The following SOX5 variants were observed in gnomAD, a reference collection of about 807,000 sequenced individuals.
The protein encoded by SOX5 is transcription factor SOX-5.
A neutral mutation model predicts 92.0 loss-of-function variants in SOX5; 9 were observed. That is an observed-to-expected ratio of 0.10 (90% CI 0.06 to 0.17). The LOEUF (loss-of-function observed/expected upper bound fraction) is 0.17. SOX5 is among the 10% of genes least tolerant of loss of function. SOX5 has a pLI of 1.00. For missense variants in SOX5, 642 were observed against 944.5 expected (o/e 0.68, Z 4.20); for synonymous variants, 344 against 336.3 (o/e 1.02, Z -0.25).
At chr12:24,005,298 A>C (rs911102626) in intron 4 of SOX5, among the ~76,000 whole-genome samples, 1 of 152,130 alleles carries the variant, frequency 6.6e-6, no homozygotes, top group Non-Finnish European at 1.5e-5. Flanking sequence ...ACTGATCTTT[A>C]AGTACATGAT....
chr12:24,312,788 T>C (rs183973659), intron 2 of SOX5, among the ~76,000 whole-genome samples: 116 of 152,316 alleles, frequency 7.6e-4, no homozygotes, highest in African/African-American at 2.5e-3. Context: ...TCCAAACTCA[T>C]GAAGCAACTC....
At chr12:24,367,981 T>C (rs1956339679) in intron 2 of SOX5, 1 of 152,220 alleles carries the variant, frequency 6.6e-6, no homozygotes, top group African/African-American at 2.4e-5. Flanking sequence ...GCATCCTGCA[T>C]GGTTACTGTA....
chr12:24,557,493 T>A lies in SOX5; in HGVS notation c.-251+4836A>T, dbSNP rs571559489. ...AAGTTCAGATCTCTAAATAACGTTT[T>A]GGATGAATCACAGACCTACAAATGA... On this transcript the variant is annotated intron_variant, in intron 1 of 4. Transcript: ENST00000446891. Among the ~76,000 whole-genome samples the A allele has an allele frequency of 2.6e-5, 4 of 152,222 alleles. No individual in the cohort carries two copies. In the South Asian group the frequency reaches 8.3e-4, roughly 32 times the overall value.
chr12:23,902,156 T>A (rs540108151), intron 1 of SOX5, among the ~76,000 whole-genome samples: 2 of 151,956 alleles, frequency 1.3e-5, no homozygotes, highest in East Asian at 1.9e-4. Flanking sequence ...CTAAAAACTT[T>A]AAAAAAAACT....
chr12:23,986,534 A>G (rs1400240240), intron 4 of SOX5, among the ~76,000 whole-genome samples: 2 of 152,214 alleles, frequency 1.3e-5, no homozygotes, highest in Non-Finnish European at 2.9e-5. Flanking sequence ...TGTTAAGAGA[A>G]ATACAATGTC....
At chr12:23,915,791 G>A (rs2097408221) in intron 1 of SOX5, among the ~76,000 whole-genome samples, 1 of 152,172 alleles carries the variant, frequency 6.6e-6, no homozygotes, top group Non-Finnish European at 1.5e-5. Context: ...GTAAGATTCA[G>A]TCATTGTGAA....
At chr12:24,540,203 C>T (rs1951997809) in intron 1 of SOX5, among the ~76,000 whole-genome samples, 1 of 152,064 alleles carries the variant, frequency 6.6e-6, no homozygotes, top group African/African-American at 2.4e-5. Context: ...TTACTTAATC[C>T]TTTGTTTTAA....
At chr12:23,832,833 T>A (rs1049833170) in intron 3 of SOX5, among the ~76,000 whole-genome samples, 2 of 151,734 alleles carry the variant, frequency 1.3e-5, no homozygotes, top group African/African-American at 4.8e-5. Context: ...AAAATTTGCA[T>A]TTCCTGCAAA....
intron 6 of SOX5, among the ~76,000 whole-genome samples, chr12:23,705,732 T>C (rs1304850420): frequency 6.6e-6 from 1 of 152,064 alleles, no homozygotes; most frequent in Non-Finnish European, 1.5e-5. Flanking sequence ...AACCTGTTGG[T>C]AACTTTACGT....
intron 13 of SOX5, among the ~76,000 whole-genome samples, chr12:23,538,079 T>C (rs997290961): frequency 6.6e-6 from 1 of 152,166 alleles, no homozygotes; most frequent in African/African-American, 2.4e-5. Flanking sequence ...CAAATGGCCT[T>C]ATACCTGCCT....
At chr12:24,487,573 T>A (rs1446717541) in intron 1 of SOX5, among the ~76,000 whole-genome samples, 1 of 152,216 alleles carries the variant, frequency 6.6e-6, no homozygotes, top group African/African-American at 2.4e-5. Context: ...ATATGTTAAA[T>A]AGCTCATTTC....
intron 4 of SOX5, among the ~76,000 whole-genome samples, chr12:24,155,612 G>A (rs1399451953): frequency 6.6e-6 from 1 of 152,114 alleles, no homozygotes; most frequent in Non-Finnish European, 1.5e-5. Flanking sequence ...AGCATGTCAA[G>A]TCCTCTTCCC....
rs569434819 is a variant in SOX5, at chr12:23,611,353, CGT to C, written c.1018-6822_1018-6821del. On this transcript the variant is annotated intron_variant, in intron 8 of 14. Transcript: ENST00000451604. ...TTTTCAAGGCTGAAAAGTATTCCAT[CGT>C]GTGTGTGTGTGTGCGTGTGTGTGTG... 4.9e-4 allele frequency among the ~76,000 whole-genome samples: 69 copies of C among 140,294 alleles called. No individual in the cohort carries two copies. In the South Asian group the frequency reaches 6.0e-3, roughly 12 times the overall value. The allele number at this position is 140,294 out of a possible 152,430, so 92.0% of individuals were successfully genotyped here.
chr12:24,255,366 A>G (rs947461707), intron 3 of SOX5, among the ~76,000 whole-genome samples: 5 of 152,170 alleles, frequency 3.3e-5, no homozygotes, highest in Admixed American at 3.3e-4. Flanking sequence ...TGGGTCCAAC[A>G]TAATTGAGAA....
At chr12:23,703,186 A>G (rs1289180455) in intron 6 of SOX5, among the ~76,000 whole-genome samples, 5 of 152,090 alleles carry the variant, frequency 3.3e-5, no homozygotes, top group Non-Finnish European at 5.9e-5. Flanking sequence ...GGCACAAGCA[A>G]GTGAAAAACT....
intron 3 of SOX5, among the ~76,000 whole-genome samples, chr12:24,252,856 G>A (rs1258440150): frequency 6.6e-6 from 1 of 152,160 alleles, no homozygotes; most frequent in Admixed American, 6.5e-5. Context: ...ACACGCTGGA[G>A]AGCCTCCTTG....
Position 24,451,272 on chromosome 12 carries a change from A to T in SOX5, c.-250-82633T>A, listed in dbSNP as rs190939214. On this transcript the variant is annotated intron_variant, in intron 1 of 4. Coordinates refer to the SOX5 transcript ENST00000446891. ...ATAAACATGGGGGTGCAGATATCTCATATATATATATACTGATTCCTTTCT... is the reference window on the plus strand; with the variant it reads ...ATAAACATGGGGGTGCAGATATCTCTTATATATATATACTGATTCCTTTCT... Among the ~76,000 whole-genome samples the T allele has an allele frequency of 3.2e-4, 48 of 151,606 alleles. 1 individual carries two copies. The highest frequency in any genetic ancestry group is 2.3e-3 in the Admixed American group (35 of 15,186).
intron 4 of SOX5, among the ~76,000 whole-genome samples, chr12:24,039,797 A>C (rs1956356018): frequency 6.6e-6 from 1 of 152,312 alleles, no homozygotes; most frequent in Non-Finnish European, 1.5e-5. Flanking sequence ...TATTAAATGG[A>C]AACACTGAAA....
intron 4 of SOX5, among the ~76,000 whole-genome samples, chr12:24,005,634 T>G (rs1472243094): frequency 6.6e-6 from 1 of 152,180 alleles, no homozygotes; most frequent in Admixed American, 6.5e-5. Context: ...CCCTTTAGTT[T>G]ATATGTTTTC....
Sources: allele counts gnomAD v4.1 joint callset (sites outside exome capture counted in the v4.1 genomes callset), GRCh38; gene constraint gnomAD v4.1.1; transcripts MANE v1.5; gene names NCBI Gene and HGNC (gene_info 2026-07-23, HGNC 2026-07-21).